The following BTBD1 variants were observed in gnomAD, a reference collection of about 807,000 sequenced individuals.
BTBD1 encodes BTB domain containing 1.
BTBD1 carries 34 observed loss-of-function variants against 48.0 expected under a neutral mutation model. The ratio of observed to expected loss-of-function variants is 0.71; its 90% confidence interval spans 0.54 to 0.94. The LOEUF is 0.94. BTBD1 is among the 40% of genes least tolerant of loss of function. The probability of loss-of-function intolerance (pLI) is 0.00; values close to 1 mark genes in which losing one functional copy is unlikely to be tolerated. For missense variants in BTBD1, 543 were observed against 625.6 expected (o/e 0.87, Z 1.41); for synonymous variants, 261 against 242.1 (o/e 1.08, Z -0.72).
chr15:83,029,135 T>C (rs528712205), intron 5 of BTBD1, among the ~76,000 whole-genome samples: 116 of 152,228 alleles, frequency 7.6e-4, no homozygotes, highest in Non-Finnish European at 1.3e-3. Flanking sequence ...TATTATTAAA[T>C]AGTCTACAAG....
intron 3 of BTBD1, among the ~76,000 whole-genome samples, chr15:83,045,747 T>C (rs1175334247): frequency 2.6e-5 from 4 of 152,190 alleles, no homozygotes; most frequent in Non-Finnish European, 5.9e-5. Context: ...CACGAAGCCC[T>C]TTCATAAGTA....
chr15:83,056,662 TC>T (rs1043690628), intron 1 of BTBD1, 117 bp from the exon 2 acceptor site: 10 of 849,274 alleles, frequency 1.2e-5, no homozygotes, highest in Non-Finnish European at 1.8e-5. Context: ...TTTTCATCCA[TC>T]CATCCACCCA....
intron 3 of BTBD1, chr15:83,044,753 C>G: frequency 6.9e-7 from 1 of 1,447,978 alleles, no homozygotes; most frequent in South Asian, 1.1e-5. Flanking sequence ...GTACTCGGAT[C>G]TATGAAAAAG....
chr15:83,035,443 TAAG>T (rs530281447), intron 4 of BTBD1, among the ~76,000 whole-genome samples: 79 of 151,876 alleles, frequency 5.2e-4, no homozygotes, highest in Non-Finnish European at 1.0e-3. Context: ...AAGAGCAAGA[TAAG>T]AAGAAATCTC....
chr15:83,041,461 C>T (rs564709148), intron 4 of BTBD1, among the ~76,000 whole-genome samples: 23 of 151,970 alleles, frequency 1.5e-4, no homozygotes, highest in African/African-American at 4.8e-4. Context: ...CTGCAACCTC[C>T]GTCTCCTGGG....
At chr15:83,032,969 C>CAAAAAAAAAAAAAAAAAAA (rs56152195) in intron 4 of BTBD1, among the ~76,000 whole-genome samples, 7 of 86,992 alleles carry the variant, frequency 8.0e-5, no homozygotes, top group African/African-American at 3.5e-4. Flanking sequence ...TACTCTGTCT[C>CAAAAAAAAAAAAAAAAAAA]AAAAAAAAAA....
At chr15:83,046,009 C>G (rs987642879) in intron 3 of BTBD1, among the ~76,000 whole-genome samples, 1 of 152,046 alleles carries the variant, frequency 6.6e-6, no homozygotes, top group Non-Finnish European at 1.5e-5. Flanking sequence ...TATTCAAATC[C>G]CGGAGGAGAA....
At chr15:83,025,970 C>T (rs1040014069) in intron 5 of BTBD1, among the ~76,000 whole-genome samples, 4 of 152,014 alleles carry the variant, frequency 2.6e-5, no homozygotes, top group Non-Finnish European at 5.9e-5. Flanking sequence ...GGGGTTTCAC[C>T]GTGTTAGCCA....
At chr15:83,024,862 A>T (rs2032372596) in intron 5 of BTBD1, among the ~76,000 whole-genome samples, 1 of 152,094 alleles carries the variant, frequency 6.6e-6, no homozygotes, top group Non-Finnish European at 1.5e-5. Context: ...TCAGCCTCCC[A>T]AAGTGCTGGG....
intron 1 of BTBD1, among the ~76,000 whole-genome samples, chr15:83,065,652 AC>A: frequency 6.6e-6 from 1 of 152,214 alleles, no homozygotes; most frequent in African/African-American, 2.4e-5. Flanking sequence ...AATGAAACAG[AC>A]ATGGTCTTCA....
intron 4 of BTBD1, among the ~76,000 whole-genome samples, chr15:83,037,938 G>C (rs1269508773): frequency 6.6e-6 from 1 of 152,078 alleles, no homozygotes; most frequent in African/African-American, 2.4e-5. Context: ...ACAAAAATTA[G>C]CTAGGCACGG....
At chr15:83,056,099 G>A (rs1049911838) in intron 2 of BTBD1, among the ~76,000 whole-genome samples, 1 of 151,810 alleles carries the variant, frequency 6.6e-6, no homozygotes, top group Non-Finnish European at 1.5e-5. Flanking sequence ...TAGTAGAGAC[G>A]GGGTCATGCT....
rs117547129 is a variant in BTBD1 at position 83,057,783 on chromosome 15, T to C, written c.402-1238A>G. On this transcript the variant is annotated intron_variant, in intron 1 of 7. Transcript: ENST00000261721. ...CATTCACGTTCTGCTTTTCCTTATATGTCAGATGATTAAACTCCGTCTCCA... is the reference window on the plus strand; with the variant it reads ...CATTCACGTTCTGCTTTTCCTTATACGTCAGATGATTAAACTCCGTCTCCA... 2.6e-4 allele frequency among the ~76,000 whole-genome samples: 39 copies of C among 152,380 alleles called. No homozygotes were observed. The East Asian group carries it at 7.3e-3, about 29-fold the overall frequency.
At chr15:83,051,121 T>A (rs1167358602) in intron 2 of BTBD1, among the ~76,000 whole-genome samples, 2 of 151,790 alleles carry the variant, frequency 1.3e-5, no homozygotes, top group African/African-American at 4.8e-5. Context: ...AAAGGAGGTA[T>A]GATGATAGGC....
intron 1 of BTBD1, among the ~76,000 whole-genome samples, chr15:83,063,906 G>A (rs113726464): frequency 4.0e-4 from 61 of 152,198 alleles, no homozygotes; most frequent in African/African-American, 1.4e-3. Context: ...ACTTGACATT[G>A]TATCTTTAGT....
rs1261725681 is a variant in BTBD1 at position 83,041,709 on chromosome 15, G to A, written c.862+19C>T. 6.2e-7 allele frequency: 1 copy of A among 1,607,676 alleles called. No individual in the cohort carries two copies. Among genetic ancestry groups the A allele is most frequent in the Admixed American group, 1.7e-5 (1 of 59,946 alleles). ...ATTAAAACAGTTTCAAATAGATTTT[G>A]GTGAATTTATACCCTTACCTGCTGC... On this transcript the variant is annotated intron_variant, in intron 4 of 7. Transcript: ENST00000261721.
chr15:83,039,883 GA>G (rs1168355720), intron 4 of BTBD1, among the ~76,000 whole-genome samples: 1 of 149,948 alleles, frequency 6.7e-6, no homozygotes. Context: ...CAAAAGAAAA[GA>G]AAATGTTCCA....
intron 4 of BTBD1, among the ~76,000 whole-genome samples, chr15:83,034,998 A>G (rs1347316429): frequency 1.3e-5 from 2 of 152,206 alleles, no homozygotes; most frequent in Non-Finnish European, 2.9e-5. Context: ...GATACTTATT[A>G]CAACTACCGT....
Position 83,052,867 on chromosome 15 carries a change from C to T in BTBD1, c.559-2689G>A, listed in dbSNP as rs368039122. Among the ~76,000 whole-genome samples the T allele has an allele frequency of 8.9e-5, 13 of 145,532 alleles. 1 individual carries two copies. In the South Asian group the frequency reaches 2.8e-3, roughly 32 times the overall value. The stretch of plus-strand genomic sequence containing the variant: ...GTGTTAGCCAGGATGGTCTCGATCT[C>T]CTGACCCCGTGATCTGCCCACCTTC... On this transcript the variant is annotated intron_variant, in intron 2 of 7. Coordinates refer to ENST00000261721, the MANE Select transcript of BTBD1 (RefSeq NM_025238.4).
Sources: allele counts gnomAD v4.1 joint callset (sites outside exome capture counted in the v4.1 genomes callset), GRCh38; gene constraint gnomAD v4.1.1; transcripts MANE v1.5; gene names NCBI Gene and HGNC (gene_info 2026-07-23, HGNC 2026-07-21).